Variants in MRE11 observed in about 807,000 individuals in gnomAD.
MRE11 encodes the protein double-strand break repair protein MRE11.
Under a neutral mutation model 91.7 loss-of-function variants are expected in MRE11, and 62 were observed. The observed-to-expected ratio is 0.68, with a 90% CI of 0.55 to 0.84. The LOEUF (loss-of-function observed/expected upper bound fraction) is 0.84, where lower values mean the gene tolerates loss of function less well. Among genes scored for constraint, MRE11 ranks in the 40% least tolerant of loss-of-function variants. The pLI, the probability that MRE11 is intolerant of heterozygous loss-of-function variation, is 0.00. For missense variants in MRE11, 796 were observed against 852.9 expected (o/e 0.93, Z 0.83); for synonymous variants, 273 against 271.4 (o/e 1.01, Z -0.06).
intron 4 of MRE11, among the ~76,000 whole-genome samples, chr11:94,483,200 T>C (rs1448087872): frequency 6.6e-6 from 1 of 152,186 alleles, no homozygotes; most frequent in Non-Finnish European, 1.5e-5. Flanking sequence ...GGGCTGGGCA[T>C]GGTGGCTCAC....
chr11:94,449,322 A>G (rs1946030259), intron 14 of MRE11, among the ~76,000 whole-genome samples: 2 of 152,250 alleles, frequency 1.3e-5, no homozygotes, highest in Admixed American at 1.3e-4. Context: ...AACAAAAAAT[A>G]TAAGAAACAA....
chr11:94,420,755 G>C (rs1029430020), intron 19 of MRE11, among the ~76,000 whole-genome samples: 1 of 152,204 alleles, frequency 6.6e-6, no homozygotes. Flanking sequence ...CATGCTGGCC[G>C]GGCGCGGTGG....
upstream of MRE11, chr11:94,498,564 A>G (rs764470531): frequency 2.3e-5 from 36 of 1,546,852 alleles, no homozygotes; most frequent in South Asian, 3.9e-4. Context: ...GTTTCTAAAT[A>G]CCAGTGCCTC....
At chr11:94,437,045 G>T in intron 17 of MRE11, 132 bp downstream of exon 17, 1 of 740,476 alleles carries the variant, frequency 1.4e-6, no homozygotes, top group Non-Finnish European at 2.2e-6. Context: ...AGAGATAATT[G>T]GTAAAGCTCC....
chr11:94,433,034 A>C (rs1050162143), intron 18 of MRE11, among the ~76,000 whole-genome samples: 1 of 152,218 alleles, frequency 6.6e-6, no homozygotes, highest in Non-Finnish European at 1.5e-5. Flanking sequence ...ATGCTCCAGC[A>C]AGAAACCAGA....
chr11:94,440,886 G>A (rs1385410902), intron 16 of MRE11, among the ~76,000 whole-genome samples: 1 of 152,128 alleles, frequency 6.6e-6, no homozygotes, highest in Non-Finnish European at 1.5e-5. Flanking sequence ...CTAACTATGT[G>A]CTTGGAAGCT....
At chr11:94,429,852 T>C in intron 19 of MRE11, 59 bp downstream of exon 19, 1 of 1,417,480 alleles carries the variant, frequency 7.1e-7, no homozygotes, top group Non-Finnish European at 9.6e-7. Flanking sequence ...GCTGGCAGTC[T>C]CTATTTAAAT....
In MRE11 at chr11:94,482,828, C is replaced by T. The variant is rs535727755; in HGVS notation, c.315-3067G>A. On this transcript the variant is annotated intron_variant, in intron 4 of 19. Transcript: ENST00000323929. ...TGGTGCACACTTGTAGTCCCAGCTACTCAGGAGGCTGAGGCAGAAGAACTG... is the reference window on the plus strand; with the variant it reads ...TGGTGCACACTTGTAGTCCCAGCTATTCAGGAGGCTGAGGCAGAAGAACTG... Among the ~76,000 whole-genome samples, 365 of 152,148 alleles carry T rather than the reference C, an allele frequency of 2.4e-3. 1 individual carries two copies. Among genetic ancestry groups the T allele is most frequent in the Non-Finnish European group, 3.6e-3 (244 of 67,982 alleles).
intron 14 of MRE11, 93 bp downstream of exon 14, chr11:94,456,183 G>C (rs1309216823): frequency 8.4e-7 from 1 of 1,193,448 alleles, no homozygotes; most frequent in Non-Finnish European, 1.2e-6. Flanking sequence ...CTATCCCCTA[G>C]ACCTATGGAC....
At chr11:94,427,865 T>C (rs970605328) in intron 19 of MRE11, among the ~76,000 whole-genome samples, 1 of 152,146 alleles carries the variant, frequency 6.6e-6, no homozygotes, top group African/African-American at 2.4e-5. Context: ...CAAGGAGAAC[T>C]ATGAAACACT....
the MRE11 span, chr11:94,499,325 C>A: frequency 6.6e-6 from 1 of 152,632 alleles, no homozygotes; most frequent in Non-Finnish European, 1.5e-5. Flanking sequence ...CTGCCTAATC[C>A]TACTGATTTG....
At chr11:94,488,058 G>A (rs998263584) in intron 3 of MRE11, among the ~76,000 whole-genome samples, 3 of 152,118 alleles carry the variant, frequency 2.0e-5, no homozygotes, top group African/African-American at 7.2e-5. Context: ...TATGGGGGGT[G>A]GAACAGTTAC....
intron 14 of MRE11, among the ~76,000 whole-genome samples, chr11:94,449,597 T>C (rs1421708635): frequency 6.6e-6 from 1 of 152,236 alleles, no homozygotes; most frequent in Non-Finnish European, 1.5e-5. Context: ...GTGTCCTTTC[T>C]GTGATAGTCA....
intron 3 of MRE11, among the ~76,000 whole-genome samples, chr11:94,486,722 A>T (rs1029609511): frequency 7.9e-5 from 12 of 152,206 alleles, no homozygotes; most frequent in Non-Finnish European, 1.5e-4. Flanking sequence ...ATGAATTTGA[A>T]CTCAAGGGAG....
the MRE11 span, among the ~76,000 whole-genome samples, chr11:94,505,838 C>T: frequency 6.6e-6 from 1 of 152,170 alleles, no homozygotes; most frequent in Non-Finnish European, 1.5e-5. Context: ...TCAACTATAC[C>T]ATATTTTTAC....
In MRE11 at chr11:94,445,793, T is replaced by A; in HGVS notation, c.1867+17A>T. 7 of 1,558,382 alleles carry A rather than the reference T, an allele frequency of 4.5e-6. No homozygotes were observed. The highest frequency in any genetic ancestry group is 6.2e-6 in the Non-Finnish European group (7 of 1,129,238). Reference sequence around the variant, plus strand: ...AATGTTGGAATTTATAAATAATCACTTGCAGTCTATACTCACCATCTATAA... The same window carrying A: ...AATGTTGGAATTTATAAATAATCACATGCAGTCTATACTCACCATCTATAA... On this transcript the variant is annotated intron_variant, in intron 16 of 19. Coordinates refer to ENST00000323929, the MANE Select transcript of MRE11 (RefSeq NM_005591.4).
intron 9 of MRE11, among the ~76,000 whole-genome samples, chr11:94,468,502 C>G (rs1014161059): frequency 3.3e-5 from 5 of 152,144 alleles, no homozygotes; most frequent in African/African-American, 1.2e-4. Context: ...GATTAGATAT[C>G]TCCAGATGGC....
chr11:94,451,114 G>A (rs1018305332), intron 14 of MRE11, among the ~76,000 whole-genome samples: 3 of 151,280 alleles, frequency 2.0e-5, no homozygotes, highest in East Asian at 1.9e-4. Context: ...ACGAGACTCC[G>A]TCTATATAAA....
upstream of MRE11, among the ~76,000 whole-genome samples, chr11:94,494,377 A>G (rs36225294): frequency 1.1e-3 from 173 of 152,312 alleles, no homozygotes; most frequent in African/African-American, 3.8e-3. Flanking sequence ...AGTAAGATGT[A>G]TAGTGCAGCG....
Sources: allele counts gnomAD v4.1 joint callset (sites outside exome capture counted in the v4.1 genomes callset), GRCh38; gene constraint gnomAD v4.1.1; transcripts MANE v1.5; gene names NCBI Gene and HGNC (gene_info 2026-07-23, HGNC 2026-07-21).